FOXP2: variants seen among roughly 807,000 people sequenced by gnomAD.
FOXP2 encodes the protein forkhead box protein P2.
Under a neutral mutation model 115.8 loss-of-function variants are expected in FOXP2, and 12 were observed. The ratio of observed to expected loss-of-function variants is 0.10; its 90% CI spans 0.07 to 0.17. FOXP2 has a LOEUF of 0.17. Among genes scored for constraint, FOXP2 ranks in the 10% least tolerant of loss-of-function variants. The pLI, the probability that FOXP2 is intolerant of heterozygous loss-of-function variation, is 1.00. For synonymous variants in FOXP2, 328 were observed against 297.7 expected (o/e 1.10, Z -1.05); for missense variants, 629 against 843.5 (o/e 0.75, Z 3.15).
At chr7:114,499,042 A>G in intron 2 of FOXP2, 1 of 627,484 alleles carries the variant, frequency 1.6e-6, no homozygotes, top group Non-Finnish European at 2.9e-6. Flanking sequence ...GCCACTCCCT[A>G]GACCTACTGA....
chr7:114,500,674 C>T (rs566467155), intron 2 of FOXP2, among the ~76,000 whole-genome samples: 1 of 152,186 alleles, frequency 6.6e-6, no homozygotes, highest in South Asian at 2.1e-4. Context: ...ACTACTTGCC[C>T]AAAGTAATAC....
intron 1 of FOXP2, among the ~76,000 whole-genome samples, chr7:114,122,628 T>C (rs996403189): frequency 3.9e-5 from 6 of 152,062 alleles, no homozygotes; most frequent in African/African-American, 1.4e-4. Flanking sequence ...CTGTGGGCTG[T>C]CAGGTATTGC....
intron 2 of FOXP2, among the ~76,000 whole-genome samples, chr7:114,498,633 T>C (rs1038862401): frequency 8.5e-5 from 13 of 152,200 alleles, no homozygotes; most frequent in African/African-American, 2.9e-4. Context: ...TCACAAACTA[T>C]AAGTTATCTT....
chr7:114,093,731 C>G (rs1045992487), intron 1 of FOXP2, among the ~76,000 whole-genome samples: 1 of 151,842 alleles, frequency 6.6e-6, no homozygotes, highest in African/African-American at 2.4e-5. Context: ...GAGTATACTT[C>G]AAGTTCCATT....
chr7:114,308,221 TGATAAACCCACC>T (rs779580536), intron 2 of FOXP2, among the ~76,000 whole-genome samples: 73 of 152,274 alleles, frequency 4.8e-4, no homozygotes, highest in Non-Finnish European at 5.3e-4. Context: ...TAGAAACCTA[TGATAAACCCACC>T]TTGGTCCTCA....
At chr7:114,316,119 T>C (rs961416545) in intron 2 of FOXP2, among the ~76,000 whole-genome samples, 7 of 152,290 alleles carry the variant, frequency 4.6e-5, no homozygotes, top group African/African-American at 1.7e-4. Context: ...TCACCTTGTC[T>C]AACTTCAGCT....
At chr7:114,138,470 C>A (rs1011561174) in intron 1 of FOXP2, among the ~76,000 whole-genome samples, 1 of 150,820 alleles carries the variant, frequency 6.6e-6, no homozygotes, top group African/African-American at 2.4e-5. Flanking sequence ...CGGCTCACTG[C>A]AACCTCTGCC....
intron 1 of FOXP2, among the ~76,000 whole-genome samples, chr7:114,134,712 CA>C (rs35653755): frequency 0.92 from 103,144 of 112,342 alleles, 47,171 homozygotes; most frequent in Middle Eastern, 0.96. Context: ...GACTCCGTCT[CA>C]AAAAAAAAAA....
intron 1 of FOXP2, among the ~76,000 whole-genome samples, chr7:114,239,787 G>C (rs1795106092): frequency 6.6e-6 from 1 of 152,078 alleles, no homozygotes; most frequent in African/African-American, 2.4e-5. Flanking sequence ...CTTCTACAAG[G>C]AACAGTCCTT....
chr7:114,229,194 A>T (rs1294401058), intron 1 of FOXP2, among the ~76,000 whole-genome samples: 1 of 150,960 alleles, frequency 6.6e-6, no homozygotes, highest in Non-Finnish European at 1.5e-5. Flanking sequence ...CATCATGAAG[A>T]TATAACTATT....
intron 1 of FOXP2, among the ~76,000 whole-genome samples, chr7:114,274,269 A>G (rs370668078): frequency 2.0e-5 from 3 of 152,112 alleles, no homozygotes; most frequent in Admixed American, 1.3e-4. Flanking sequence ...ATAAGCATGC[A>G]TAAGCATATA....
chr7:114,178,595 T>C (rs1343506844), intron 1 of FOXP2, among the ~76,000 whole-genome samples: 1 of 151,960 alleles, frequency 6.6e-6, no homozygotes, highest in African/African-American at 2.4e-5. Flanking sequence ...ATATTTTCCT[T>C]GTATTAGCTG....
chr7:114,241,835 C>A (rs1454355372), intron 1 of FOXP2, among the ~76,000 whole-genome samples: 1 of 151,604 alleles, frequency 6.6e-6, no homozygotes, highest in East Asian at 1.9e-4. Flanking sequence ...TACCATCTGC[C>A]CAAACCAAAT....
At chr7:114,639,534 AAAAG>A (rs1805410520) in intron 6 of FOXP2, among the ~76,000 whole-genome samples, 1 of 151,952 alleles carries the variant, frequency 6.6e-6, no homozygotes, top group South Asian at 2.1e-4. Context: ...ATTTTAAAAA[AAAAG>A]CTGGATGAGG....
chr7:114,119,517 G>A (rs1791501380), intron 1 of FOXP2, among the ~76,000 whole-genome samples: 1 of 151,974 alleles, frequency 6.6e-6, no homozygotes, highest in African/African-American at 2.4e-5. Context: ...GAAGTGGGAG[G>A]ATTGCTTGAG....
intron 2 of FOXP2, among the ~76,000 whole-genome samples, chr7:114,305,549 G>A (rs1263861196): frequency 6.6e-6 from 1 of 152,046 alleles, no homozygotes; most frequent in African/African-American, 2.4e-5. Flanking sequence ...TCAATATTCA[G>A]TACAACGCCT....
intron 1 of FOXP2, among the ~76,000 whole-genome samples, chr7:114,190,986 C>A (rs1294363125): frequency 3.3e-5 from 5 of 152,042 alleles, no homozygotes; most frequent in African/African-American, 1.2e-4. Flanking sequence ...TACCTAGTCC[C>A]CAGAAGATCT....
At chr7:114,372,553 C>T (rs1385816470) in intron 2 of FOXP2, among the ~76,000 whole-genome samples, 1 of 152,154 alleles carries the variant, frequency 6.6e-6, no homozygotes, top group Non-Finnish European at 1.5e-5. Context: ...TTACTGCTCA[C>T]AACTGCAGGT....
At chr7:114,510,641 T>A (rs1203558779) in intron 2 of FOXP2, among the ~76,000 whole-genome samples, 2 of 152,026 alleles carry the variant, frequency 1.3e-5, no homozygotes, top group Admixed American at 1.3e-4. Context: ...AAAGTATGTC[T>A]TTTACCACAA....
Sources: allele counts gnomAD v4.1 joint callset (sites outside exome capture counted in the v4.1 genomes callset), GRCh38; gene constraint gnomAD v4.1.1; transcripts MANE v1.5; gene names NCBI Gene and HGNC (gene_info 2026-07-23, HGNC 2026-07-21).